Variants in GON4L observed in about 807,000 individuals in gnomAD.
The protein encoded by GON4L is gon-4 like.
Under a neutral mutation model 211.8 loss-of-function variants are expected in GON4L, and 87 were observed. The observed-to-expected ratio is 0.41, with a 90% CI of 0.35 to 0.49. The LOEUF (loss-of-function observed/expected upper bound fraction) is 0.49, where lower values mean the gene tolerates loss of function less well. Among genes scored for constraint, GON4L ranks in the 20% least tolerant of loss-of-function variants. The pLI is 0.15. For synonymous variants in GON4L, 875 were observed against 962.6 expected (o/e 0.91, Z 1.68); for missense variants, 2,155 against 2,659.5 (o/e 0.81, Z 4.17).
At position 155,822,269 on chromosome 1, in the gene GON4L, G is replaced by T; in HGVS notation, c.888+17C>A. On this transcript the variant is annotated intron_variant, in intron 4 of 31. Transcript: ENST00000368331. ...AAAGTTCCCTTCCATTTACATAACT[G>T]CCCCAGTCTTACTCACATGAAGGAT... 6.3e-7 allele frequency: 1 copy of T among 1,597,586 alleles called. No homozygotes were observed. The highest frequency in any genetic ancestry group is 8.6e-7 in the Non-Finnish European group (1 of 1,164,990).
Position 155,847,632 on chromosome 1 carries a change from G to A in GON4L, c.505+5644C>T, listed in dbSNP as rs530333493. Among the ~76,000 whole-genome samples, 703 of 152,224 alleles carry A rather than the reference G, an allele frequency of 4.6e-3. 4 individuals carry two copies. The highest frequency in any genetic ancestry group is 7.7e-3 in the Non-Finnish European group (522 of 68,012). On this transcript the variant is annotated intron_variant, in intron 2 of 31. Transcript: ENST00000368331. Reference sequence around the variant, plus strand: ...CAGGAGAATCGCTTGAACCCAGGAGGTGGTGGTTGCAGTGAACTGAGATGG... The same window carrying A: ...CAGGAGAATCGCTTGAACCCAGGAGATGGTGGTTGCAGTGAACTGAGATGG...
At chr1:155,852,030 T>C (rs1671841722) in intron 2 of GON4L, among the ~76,000 whole-genome samples, 2 of 151,774 alleles carry the variant, frequency 1.3e-5, no homozygotes, top group African/African-American at 4.8e-5. Flanking sequence ...CTGGACGTGG[T>C]GGCAGGCACC....
chr1:155,776,571 G>A, intron 15 of GON4L, 90 bp from the exon 16 acceptor site: 1 of 1,015,818 alleles, frequency 9.8e-7, no homozygotes, highest in Non-Finnish European at 1.5e-6. Flanking sequence ...TCTTCTTGGA[G>A]AAAGGATCTC....
intron 2 of GON4L, among the ~76,000 whole-genome samples, chr1:155,830,019 C>G (rs568225251): frequency 6.6e-6 from 1 of 151,632 alleles, no homozygotes; most frequent in Non-Finnish European, 1.5e-5. Context: ...GGCATGATCT[C>G]AGCTCACTGC....
chr1:155,797,832 G>A (rs1460644310), intron 11 of GON4L, among the ~76,000 whole-genome samples: 7 of 150,296 alleles, frequency 4.7e-5, no homozygotes, highest in Non-Finnish European at 8.9e-5. Flanking sequence ...CAGCCTGGGC[G>A]AGAGTGAGAC....
At chr1:155,825,739 A>T (rs1333500985) in intron 3 of GON4L, among the ~76,000 whole-genome samples, 1 of 151,604 alleles carries the variant, frequency 6.6e-6, no homozygotes, top group Non-Finnish European at 1.5e-5. Flanking sequence ...TCTACAAAAA[A>T]AATTTTTTAA....
rs1360646791 is a variant in GON4L at position 155,853,785 on chromosome 1, A to G, written c.-5T>C. 6 of 1,612,120 alleles carry G rather than the reference A, an allele frequency of 3.7e-6. No individual in the cohort carries two copies. Among genetic ancestry groups the G allele is most frequent in the Non-Finnish European group, 3.4e-6 (4 of 1,178,234 alleles). On this transcript the variant is annotated 5_prime_UTR_variant, in exon 2 of 32. Coordinates refer to ENST00000368331, the MANE Select transcript of GON4L (RefSeq NM_001282860.2). ...TCTCTTCTTACAGGGCAACATTTTA[A>G]AAGTCCCACTTTTGTTCCATTCTGA...
chr1:155,750,776 GT>G, intron 31 of GON4L, 43 bp from the exon 32 acceptor site: 1 of 1,529,450 alleles, frequency 6.5e-7, no homozygotes, highest in Non-Finnish European at 8.9e-7. Context: ...TTTTTTTTTT[GT>G]TTTTGAGACG....
At chr1:155,846,982 A>G (rs2102457196) in intron 2 of GON4L, among the ~76,000 whole-genome samples, 1 of 152,282 alleles carries the variant, frequency 6.6e-6, no homozygotes, top group Middle Eastern at 3.4e-3. Context: ...CCTGGGAAAC[A>G]AGAGTGAAAC....
intron 2 of GON4L, among the ~76,000 whole-genome samples, chr1:155,831,367 T>C (rs1310552017): frequency 7.2e-5 from 11 of 152,076 alleles, no homozygotes; most frequent in Non-Finnish European, 1.6e-4. Flanking sequence ...GAAAGATTAC[T>C]TGAAGCCAAG....
chr1:155,811,391 CAAAAAAAAAAAAAAA>C, intron 10 of GON4L, among the ~76,000 whole-genome samples: 1 of 33,168 alleles, frequency 3.0e-5, no homozygotes, highest in South Asian at 2.2e-3. Context: ...GACTCCGTCT[CAAAAAAAAAAAAAAA>C]AAAAAAAAAA....
chr1:155,829,544 G>A (rs1163859895), intron 2 of GON4L, among the ~76,000 whole-genome samples: 1 of 151,896 alleles, frequency 6.6e-6, no homozygotes, highest in Non-Finnish European at 1.5e-5. Flanking sequence ...AGGTTGCAGT[G>A]AGCCAAGGTT....
At chr1:155,798,576 A>ATT (rs34273258) in intron 11 of GON4L, among the ~76,000 whole-genome samples, 79,884 of 89,502 alleles carry the variant, frequency 0.89, 36,720 homozygotes, top group East Asian at 0.98. Flanking sequence ...CGTCAGGCTA[A>ATT]TTTTTTTTTT....
Position 155,820,640 on chromosome 1 carries a change from C to A in GON4L, c.980G>T (p.Arg327Leu). The change falls in exon 6 of 32, where the codon CGC becomes CTC. Residue 327 changes from arginine to leucine, a missense_variant. Around this residue, in one of 6 missense-constraint regions of GON4L, gnomAD observed 551 missense variants for 854.0 expected, o/e 0.65. Transcript: ENST00000368331. ...DMPMFEPKMT[R>L]SKLKEVVEKG... ...TTCCACTACTTCCTTCAGTTTAGAG[C>A]GTGTCATTTTAGGCTCCTAAGGAGA... 1 of 1,609,600 alleles carries A rather than the reference C, an allele frequency of 6.2e-7. No homozygotes were observed. Among genetic ancestry groups the A allele is most frequent in the Non-Finnish European group, 8.5e-7 (1 of 1,176,190 alleles).
chr1:155,754,521 G>GTT (rs748767012), intron 27 of GON4L, 33 bp from the exon 28 acceptor site: 68 of 600,870 alleles, frequency 1.1e-4, no homozygotes, highest in Non-Finnish European at 1.8e-4. Context: ...TAGCTGCCAA[G>GTT]TTGTTTTTTT....
chr1:155,846,115 G>T (rs867425752), intron 2 of GON4L: 1 of 230,392 alleles, frequency 4.3e-6, no homozygotes. Flanking sequence ...CCTTTTACCT[G>T]AAGACCAATA....
rs538455673 is a variant in GON4L at position 155,845,151 on chromosome 1, C to G, written c.505+8125G>C. ...TAGGAGAGAAGCAGGATTTGTTTTC[C>G]AAGCACTGGCCAGAGAGCCTGCTGA... On this transcript the variant is annotated intron_variant, in intron 2 of 31. Transcript: ENST00000368331. Among the ~76,000 whole-genome samples, 18 of 152,252 alleles carry G rather than the reference C, an allele frequency of 1.2e-4. No individual in the cohort carries two copies. In the South Asian group the frequency reaches 3.7e-3, roughly 32 times the overall value.
chr1:155,839,368 G>A (rs1670581998), intron 2 of GON4L, among the ~76,000 whole-genome samples: 1 of 152,122 alleles, frequency 6.6e-6, no homozygotes, highest in African/African-American at 2.4e-5. Context: ...AGTAGTATAG[G>A]CCAGGCACAG....
At chr1:155,852,434 G>A (rs905696079) in intron 2 of GON4L, among the ~76,000 whole-genome samples, 1 of 152,090 alleles carries the variant, frequency 6.6e-6, no homozygotes, top group Non-Finnish European at 1.5e-5. Context: ...AATAAAGGAT[G>A]AGAGAATGGA....
Sources: allele counts gnomAD v4.1 joint callset (sites outside exome capture counted in the v4.1 genomes callset), GRCh38; gene constraint gnomAD v4.1.1; regional missense constraint gnomAD v4.1.1; transcripts MANE v1.5; gene names NCBI Gene and HGNC (gene_info 2026-07-23, HGNC 2026-07-21).